CSGALNACT2: variants seen among roughly 807,000 people sequenced by gnomAD.
CSGALNACT2 encodes chondroitin sulfate N-acetylgalactosaminyltransferase 2, also known as beta 4 GalNAcT-2.
In CSGALNACT2, 35 loss-of-function variants were observed where a neutral mutation model predicts 55.3. The ratio of observed to expected loss-of-function variants is 0.63; its 90% CI spans 0.48 to 0.84. The LOEUF (loss-of-function observed/expected upper bound fraction) is 0.84, where lower values mean the gene tolerates loss of function less well. CSGALNACT2 is among the 40% of genes least tolerant of loss of function. The pLI is 0.00. For synonymous variants in CSGALNACT2, 196 were observed against 224.9 expected, an observed-to-expected ratio of 0.87 and a Z score of 1.15; for missense variants, 544 against 657.5, an observed-to-expected ratio of 0.83 and a Z score of 1.89.
chr10:43,144,050 A>G (rs568515805), intron 1 of CSGALNACT2, among the ~76,000 whole-genome samples: 56 of 152,328 alleles, frequency 3.7e-4, no homozygotes, highest in Non-Finnish European at 5.9e-4. Flanking sequence ...ATGTTTTCCA[A>G]ATAATTGTGT....
rs1265261724 is a variant in CSGALNACT2, at chr10:43,162,375, T to C, written c.981-1491T>C. 3.2e-6 allele frequency: 3 copies of C among 947,036 alleles called. No individual in the cohort carries two copies. The East Asian group carries it at 3.5e-4, about 110-fold the overall frequency. The allele number at this position is 947,036 out of a possible 1,614,324, so 58.7% of individuals were successfully genotyped here. ...ACTATGGCCAGGTTGGGTGGGGGTA[T>C]TGGGACTGGCCCAGCTTAAGCCTGG... is the stretch of plus-strand genomic sequence containing the variant. On this transcript the variant is annotated intron_variant, in intron 4 of 7. Coordinates refer to ENST00000374466, the MANE Select transcript of CSGALNACT2 (RefSeq NM_018590.5).
At chr10:43,142,798 T>C (rs1025326975) in intron 1 of CSGALNACT2, among the ~76,000 whole-genome samples, 1 of 152,234 alleles carries the variant, frequency 6.6e-6, no homozygotes, top group Non-Finnish European at 1.5e-5. Flanking sequence ...ATGGATTGCA[T>C]GGTAAATGGC....
At chr10:43,175,384 C>A (rs1839458447) in intron 6 of CSGALNACT2, among the ~76,000 whole-genome samples, 1 of 152,122 alleles carries the variant, frequency 6.6e-6, no homozygotes, top group Admixed American at 6.5e-5. Flanking sequence ...CCAAAGTTCC[C>A]AACAACCACC....
Position 43,183,412 on chromosome 10 carries a change from G to C in CSGALNACT2, c.1499G>C (p.Arg500Pro). The C allele has an allele frequency of 6.2e-7, 1 of 1,614,122 alleles. No individual in the cohort carries two copies. The highest frequency in any genetic ancestry group is 8.5e-7 in the Non-Finnish European group (1 of 1,180,022). The change falls in exon 8 of 8, where the codon CGC becomes CCC. Residue 500 changes from arginine (R) to proline (P), a missense_variant. Coordinates refer to ENST00000374466, the MANE Select transcript of CSGALNACT2 (RefSeq NM_018590.5). ...CADELTPEQY[R>P]MCIQSKAMNE... The stretch of plus-strand genomic sequence containing the variant: ...GATGAGCTGACCCCCGAGCAGTACC[G>C]CATGTGCATCCAGTCTAAAGCCATG...
intron 6 of CSGALNACT2, among the ~76,000 whole-genome samples, chr10:43,174,250 C>T (rs1167411918): frequency 1.3e-5 from 2 of 152,068 alleles, no homozygotes; most frequent in Non-Finnish European, 2.9e-5. Flanking sequence ...CATCCATCAG[C>T]TCCAATCTGA....
chr10:43,157,412 A>T (rs567702998), intron 2 of CSGALNACT2, among the ~76,000 whole-genome samples: 8 of 152,220 alleles, frequency 5.3e-5, no homozygotes, highest in Non-Finnish European at 5.9e-5. Flanking sequence ...TGCAGGGAGA[A>T]TAATTACTAA....
chr10:43,175,844 A>G, intron 6 of CSGALNACT2, 107 bp from the exon 7 acceptor site: 1 of 949,150 alleles, frequency 1.1e-6, no homozygotes, highest in Middle Eastern at 2.5e-4. Flanking sequence ...AGTCACATAA[A>G]TGACAGGAAA....
intron 6 of CSGALNACT2, among the ~76,000 whole-genome samples, chr10:43,170,412 A>G (rs1386002951): frequency 6.6e-6 from 1 of 152,220 alleles, no homozygotes; most frequent in African/African-American, 2.4e-5. Context: ...GAAAGCACTC[A>G]ATAAAAAGAT....
chr10:43,139,687 C>T (rs563590110), intron 1 of CSGALNACT2, among the ~76,000 whole-genome samples: 1 of 152,326 alleles, frequency 6.6e-6, no homozygotes, highest in East Asian at 1.9e-4. Flanking sequence ...CATCTGTATT[C>T]TAACTTCTCT....
chr10:43,163,130 CT>C, intron 4 of CSGALNACT2: 1 of 985,274 alleles, frequency 1.0e-6, no homozygotes, highest in South Asian at 4.7e-5. Context: ...TTTGAATGAC[CT>C]TTACACTCAC....
intron 1 of CSGALNACT2, among the ~76,000 whole-genome samples, chr10:43,140,874 C>T (rs1460718063): frequency 6.6e-6 from 1 of 152,188 alleles, no homozygotes; most frequent in Non-Finnish European, 1.5e-5. Context: ...ACAAAAATCA[C>T]TAAACATTTG....
chr10:43,170,005 C>T (rs1001643175), intron 6 of CSGALNACT2, among the ~76,000 whole-genome samples: 1 of 152,070 alleles, frequency 6.6e-6, no homozygotes, highest in Non-Finnish European at 1.5e-5. Context: ...CCTTTGTAAT[C>T]GAGTCCAGCA....
intron 4 of CSGALNACT2, chr10:43,163,210 A>G (rs1839189822): frequency 1.0e-6 from 1 of 985,000 alleles, no homozygotes; most frequent in Admixed American, 6.1e-5. Flanking sequence ...TAACTACTCC[A>G]GACATGAGCG....
chr10:43,148,760 A>G (rs1488504943), intron 1 of CSGALNACT2, among the ~76,000 whole-genome samples: 2 of 152,092 alleles, frequency 1.3e-5, no homozygotes, highest in Non-Finnish European at 2.9e-5. Flanking sequence ...GAACTCATTT[A>G]TTAGTTATAA....
chr10:43,167,397 T>A (rs1287556900), intron 6 of CSGALNACT2, among the ~76,000 whole-genome samples: 1,774 of 152,270 alleles, frequency 0.012, 35 homozygotes, highest in African/African-American at 0.04. Context: ...TTATTTTTAC[T>A]AATACTAAAA....
chr10:43,162,149 C>T lies in CSGALNACT2; in HGVS notation c.980+1554C>T, dbSNP rs143130351. ...GAGACTTGAATACCATCAAAATTCT[C>T]GTCTCCTTGTCTGTTTTTCTCTGCA... is the stretch of plus-strand genomic sequence containing the variant. On this transcript the variant is annotated intron_variant, in intron 4 of 7. Coordinates refer to ENST00000374466, the MANE Select transcript of CSGALNACT2 (RefSeq NM_018590.5). 2.9e-4 allele frequency: 148 copies of T among 518,922 alleles called. 1 individual carries two copies. The East Asian group carries it at 7.7e-3, about 27-fold the overall frequency. 32.1% of individuals were successfully genotyped at this position (518,922 alleles called of 1,614,324 possible).
intron 6 of CSGALNACT2, among the ~76,000 whole-genome samples, chr10:43,173,026 A>G (rs1239023017): frequency 6.6e-6 from 1 of 152,188 alleles, no homozygotes; most frequent in African/African-American, 2.4e-5. Context: ...TCTGGAAGGC[A>G]TTGGGATTTT....
chr10:43,155,662 A>G lies in CSGALNACT2; in HGVS notation c.513A>G (p.Pro171=). 6.2e-7 allele frequency: 1 copy of G among 1,614,256 alleles called. No homozygotes were observed. The highest frequency in any genetic ancestry group is 1.7e-5 in the Admixed American group (1 of 60,036). Residue 171 remains proline, a synonymous_variant, in exon 2 of 8, where the codon CCA becomes CCG. Transcript: ENST00000374466. ...TCACTCGCCATCCTGAAGAAAAGCCAGTTAGAAAAGACAAACGAGATGAAT... is the reference window on the plus strand; with the variant it reads ...TCACTCGCCATCCTGAAGAAAAGCCGGTTAGAAAAGACAAACGAGATGAAT... ...MGLTRHPEEK[P]VRKDKRDELV...
chr10:43,152,303 A>G (rs1838893332), intron 1 of CSGALNACT2, among the ~76,000 whole-genome samples: 1 of 152,334 alleles, frequency 6.6e-6, no homozygotes, highest in East Asian at 1.9e-4. Flanking sequence ...TAATATATTT[A>G]TATGATAGAA....
Sources: gnomAD v4.1 joint callset for allele counts (sites outside exome capture counted in the v4.1 genomes callset) on GRCh38, gnomAD v4.1.1 for gene constraint, MANE v1.5 for transcripts, NCBI Gene and HGNC (gene_info 2026-07-23, HGNC 2026-07-21) for gene names.